The following SYT1 variants were observed in gnomAD, a reference collection of about 807,000 sequenced individuals.
SYT1 encodes the protein synaptotagmin-1.
Under a neutral mutation model 44.8 loss-of-function variants are expected in SYT1, and 8 were observed. That is an observed-to-expected ratio of 0.18 (90% CI 0.10 to 0.32). The LOEUF (loss-of-function observed/expected upper bound fraction) is 0.32. Ranked by LOEUF, SYT1 falls within the 10% of genes least tolerant of loss-of-function variation. SYT1 has a pLI of 1.00. For synonymous variants in SYT1, 154 were observed against 188.8 expected (o/e 0.82, Z 1.51); for missense variants, 286 against 509.3 (o/e 0.56, Z 4.22).
At chr12:79,001,970 T>G (rs978581041) in intron 2 of SYT1, among the ~76,000 whole-genome samples, 1 of 152,114 alleles carries the variant, frequency 6.6e-6, no homozygotes, top group Non-Finnish European at 1.5e-5. Context: ...GAAGTTTTGC[T>G]TTTGGTGATT....
intron 4 of SYT1, among the ~76,000 whole-genome samples, chr12:79,270,782 T>C (rs1878380532): frequency 6.6e-6 from 1 of 152,176 alleles, no homozygotes. Flanking sequence ...GAAAAGCCCC[T>C]TGAGATAGTG....
At chr12:79,394,137 C>T (rs1884777905) in intron 9 of SYT1, among the ~76,000 whole-genome samples, 1 of 152,212 alleles carries the variant, frequency 6.6e-6, no homozygotes, top group African/African-American at 2.4e-5. Flanking sequence ...AATGCTTTGG[C>T]ATCTGGTCAC....
In SYT1 at chr12:79,450,255, T is replaced by C. The variant is rs1379778023; in HGVS notation, c.*1131T>C. ...ATTACTTTGTGGTAAACAGACAGTA[T>C]TGTAATCCCATCAAAAGATGAAAGA... On this transcript the variant is annotated 3_prime_UTR_variant, in exon 11 of 11. Coordinates refer to ENST00000261205, the MANE Select transcript of SYT1 (RefSeq NM_005639.3). 6.6e-6 allele frequency: 1 copy of C among 152,596 alleles called. No individual in the cohort carries two copies. The highest frequency in any genetic ancestry group is 1.5e-5 in the Non-Finnish European group (1 of 68,026). The allele number at this position is 152,596 out of a possible 1,614,324, so 9.5% of individuals were successfully genotyped here.
chr12:79,404,181 C>T (rs1216727413), intron 9 of SYT1, among the ~76,000 whole-genome samples: 2 of 152,032 alleles, frequency 1.3e-5, no homozygotes, highest in Non-Finnish European at 2.9e-5. Flanking sequence ...TATCAAATAC[C>T]AGAGCAGTCT....
intron 9 of SYT1, among the ~76,000 whole-genome samples, chr12:79,377,185 C>T (rs1884031685): frequency 6.6e-6 from 1 of 152,140 alleles, no homozygotes; most frequent in Non-Finnish European, 1.5e-5. Context: ...AATCTCAGCT[C>T]ACTGCAAGCT....
At chr12:79,347,051 T>C (rs1324832256) in intron 8 of SYT1, among the ~76,000 whole-genome samples, 1 of 151,194 alleles carries the variant, frequency 6.6e-6, no homozygotes, top group Non-Finnish European at 1.5e-5. Context: ...CTTTTTTTTT[T>C]TTTTTTTGAA....
intron 3 of SYT1, among the ~76,000 whole-genome samples, chr12:79,197,807 T>A (rs185151971): frequency 6.6e-6 from 1 of 152,276 alleles, no homozygotes; most frequent in Non-Finnish European, 1.5e-5. Context: ...CTGGCAGAAA[T>A]GTTCTAGAGT....
At chr12:78,932,821 TCTA>T (rs1404203141) in intron 1 of SYT1, among the ~76,000 whole-genome samples, 2 of 152,198 alleles carry the variant, frequency 1.3e-5, no homozygotes, top group Admixed American at 6.5e-5. Flanking sequence ...GGGAGTCCAT[TCTA>T]CTAAGTCAGT....
In SYT1 at chr12:79,210,571, C is replaced by T. The variant is rs183845546; in HGVS notation, c.-17-6932C>T. ...ATCTCATCCAGGTTGCTGCAAGTGCCGTTTATTCATTCCTTTTCATGGCTG... is the reference window on the plus strand; with the variant it reads ...ATCTCATCCAGGTTGCTGCAAGTGCTGTTTATTCATTCCTTTTCATGGCTG... On this transcript the variant is annotated intron_variant, in intron 3 of 10. Transcript: ENST00000261205. Among the ~76,000 whole-genome samples the T allele has an allele frequency of 2.1e-3, 314 of 152,282 alleles. 1 individual carries two copies. Among genetic ancestry groups the T allele is most frequent in the Non-Finnish European group, 3.4e-3 (234 of 68,022 alleles).
intron 8 of SYT1, among the ~76,000 whole-genome samples, chr12:79,340,161 T>C (rs1007939698): frequency 6.6e-6 from 1 of 152,200 alleles, no homozygotes; most frequent in South Asian, 2.1e-4. Context: ...GGGCTCTTTT[T>C]TGGTTCCATA....
intron 2 of SYT1, among the ~76,000 whole-genome samples, chr12:78,981,444 A>G (rs1382187254): frequency 6.6e-6 from 1 of 152,094 alleles, no homozygotes; most frequent in East Asian, 1.9e-4. Context: ...TTTAAAATGA[A>G]TAGGTAACTA....
In SYT1 at chr12:79,296,412, C is replaced by T. The variant is rs150101508; in HGVS notation, c.642+176C>T. On this transcript the variant is annotated intron_variant, in intron 7 of 10. Coordinates refer to ENST00000261205, the MANE Select transcript of SYT1 (RefSeq NM_005639.3). ...ACAGTCAACATTCGATATTGCCTTT[C>T]AGCGTGTTCAGAGTAGGATTCGGTT... 1.6e-4 allele frequency among the ~76,000 whole-genome samples: 24 copies of T among 152,276 alleles called. No individual in the cohort carries two copies. In the East Asian group the frequency reaches 3.9e-3, roughly 25 times the overall value.
At chr12:78,949,357 AAG>A in intron 1 of SYT1, among the ~76,000 whole-genome samples, 1 of 151,906 alleles carries the variant, frequency 6.6e-6, no homozygotes, top group African/African-American at 2.4e-5. Context: ...TACTTTTTTA[AAG>A]TAATACCAAC....
chr12:79,260,905 G>A (rs1344406038), intron 4 of SYT1, among the ~76,000 whole-genome samples: 1 of 151,864 alleles, frequency 6.6e-6, no homozygotes, highest in African/African-American at 2.4e-5. Flanking sequence ...TGAGATCAAA[G>A]GATAAAAACA....
At chr12:78,931,374 A>AG (rs1491214820) in intron 1 of SYT1, among the ~76,000 whole-genome samples, 1 of 92,004 alleles carries the variant, frequency 1.1e-5, no homozygotes, top group African/African-American at 3.9e-5. Flanking sequence ...GGAAGGAAGG[A>AG]AGGAAGGAAG....
intron 4 of SYT1, among the ~76,000 whole-genome samples, chr12:79,231,365 A>G (rs1875856134): frequency 6.6e-6 from 1 of 152,142 alleles, no homozygotes; most frequent in African/African-American, 2.4e-5. Flanking sequence ...ATATTGGCCC[A>G]TTGAAAGATT....
At chr12:79,406,890 C>T (rs190522544) in intron 9 of SYT1, among the ~76,000 whole-genome samples, 2 of 152,252 alleles carry the variant, frequency 1.3e-5, no homozygotes, top group African/African-American at 4.8e-5. Context: ...TTTATTACTG[C>T]AGCCATTATT....
At position 78,966,724 on chromosome 12, in the gene SYT1, T is replaced by G. The variant is rs550797529; in HGVS notation, c.-216-11075T>G. On this transcript the variant is annotated intron_variant, in intron 1 of 10. Transcript: ENST00000261205. The stretch of plus-strand genomic sequence containing the variant: ...TGTGTGTTAATTTCCCACTACATCC[T>G]TTTGATATGATGTTGGAGAAAGCAC... Among the ~76,000 whole-genome samples the G allele has an allele frequency of 4.8e-4, 73 of 152,308 alleles. 1 individual carries two copies. Among genetic ancestry groups the G allele is most frequent in the Admixed American group, 1.5e-3 (23 of 15,302 alleles).
rs562494739 is a variant in SYT1 at position 79,006,565 on chromosome 12, G to A, written c.-84+28634G>A. Among the ~76,000 whole-genome samples, 16 of 152,172 alleles carry A rather than the reference G, an allele frequency of 1.1e-4. 1 individual carries two copies. In the South Asian group the frequency reaches 3.1e-3, roughly 30 times the overall value. ...CAGTCAGTAGGGATAAGTATTTGGT[G>A]CCATCTTCTGAGAGCCCCTGAAATG... On this transcript the variant is annotated intron_variant, in intron 2 of 10. Transcript: ENST00000261205.
Sources: allele counts gnomAD v4.1 joint callset (sites outside exome capture counted in the v4.1 genomes callset), GRCh38; gene constraint gnomAD v4.1.1; transcripts MANE v1.5; gene names NCBI Gene and HGNC (gene_info 2026-07-23, HGNC 2026-07-21).